PRELID2: variants seen among roughly 807,000 people sequenced by gnomAD.
PRELID2 encodes PRELI domain-containing protein 2.
A neutral mutation model predicts 28.4 loss-of-function variants in PRELID2; 25 were observed. The observed-to-expected ratio is 0.88, with a 90% CI of 0.64 to 1.23. PRELID2 has a LOEUF of 1.23. Among genes scored for constraint, PRELID2 ranks in the 50% most tolerant of loss-of-function variants. The pLI is 0.00. For missense variants in PRELID2, 201 were observed against 214.4 expected (o/e 0.94, Z 0.39); for synonymous variants, 76 against 71.6 (o/e 1.06, Z -0.31).
chr5:145,447,086 A>AAAT, the PRELID2 span, among the ~76,000 whole-genome samples: 2 of 69,496 alleles, frequency 2.9e-5, no homozygotes, highest in Admixed American at 1.4e-4. Flanking sequence ...AATAAATAAA[A>AAAT]ATTTAAAAAT....
chr5:145,392,873 T>C, the PRELID2 span, among the ~76,000 whole-genome samples: 8 of 152,324 alleles, frequency 5.3e-5, no homozygotes, highest in Admixed American at 2.0e-4. Flanking sequence ...ATGCAGCCAA[T>C]GGCATGAATC....
At chr5:145,248,263 C>T in the PRELID2 span, among the ~76,000 whole-genome samples, 51 of 151,942 alleles carry the variant, frequency 3.4e-4, no homozygotes, top group East Asian at 1.4e-3. Context: ...CTTGGTAAAA[C>T]GGAATAAAGA....
chr5:145,387,935 C>G, the PRELID2 span, among the ~76,000 whole-genome samples: 1 of 118,356 alleles, frequency 8.4e-6, no homozygotes, highest in Non-Finnish European at 1.8e-5. Context: ...CAAGACAGAA[C>G]CAAAAAAAAA....
At chr5:145,234,802 G>C in the PRELID2 span, among the ~76,000 whole-genome samples, 2 of 152,030 alleles carry the variant, frequency 1.3e-5, no homozygotes, top group African/African-American at 4.8e-5. Context: ...GAAGCGCATA[G>C]CTGGACACCT....
rs1757256998 is a variant in PRELID2 at position 145,756,423 on chromosome 5, C to T, written c.*4113G>A. ...ACAACTAATTTATAGCTCTATATCA[C>T]AATAACACTGAATCAGAAACACTTC... On this transcript the variant is annotated 3_prime_UTR_variant, in exon 7 of 7. Transcript: ENST00000683046. Among the ~76,000 whole-genome samples, 1 of 152,166 alleles carries T rather than the reference C, an allele frequency of 6.6e-6. No homozygotes were observed. The highest frequency in any genetic ancestry group is 1.5e-5 in the Non-Finnish European group (1 of 68,034).
intron 5 of PRELID2, among the ~76,000 whole-genome samples, chr5:145,789,913 A>G (rs1475419644): frequency 6.6e-6 from 1 of 152,218 alleles, no homozygotes; most frequent in Admixed American, 6.5e-5. Flanking sequence ...AGCACCAATC[A>G]TTAGAGAAAT....
In PRELID2 at chr5:145,833,273, C is replaced by G. The variant is rs531458650; in HGVS notation, c.75+1904G>C. Among the ~76,000 whole-genome samples, 5 of 152,334 alleles carry G rather than the reference C, an allele frequency of 3.3e-5. No individual in the cohort carries two copies. The South Asian group carries it at 1.0e-3, about 32-fold the overall frequency. ...ACACAACACATACAGAAGTCACCATCTGACACTGCAGACGGTCAGCAACGC... is the reference window on the plus strand; with the variant it reads ...ACACAACACATACAGAAGTCACCATGTGACACTGCAGACGGTCAGCAACGC... On this transcript the variant is annotated intron_variant, in intron 1 of 6. Transcript: ENST00000683046.
chr5:145,756,666 G>A lies in PRELID2; in HGVS notation c.*3870C>T, dbSNP rs939004489. Reference sequence around the variant, plus strand: ...AAGTAAGTTAGGGGAAGAGAGTTGAGCCACTGAAATAATGTCACCAAGTCA... The same window carrying A: ...AAGTAAGTTAGGGGAAGAGAGTTGAACCACTGAAATAATGTCACCAAGTCA... On this transcript the variant is annotated 3_prime_UTR_variant, in exon 7 of 7. Coordinates refer to ENST00000683046, the MANE Select transcript of PRELID2 (RefSeq NM_205846.3). Among the ~76,000 whole-genome samples the A allele has an allele frequency of 2.0e-5, 3 of 152,198 alleles. No homozygotes were observed. The highest frequency in any genetic ancestry group is 2.9e-5 in the Non-Finnish European group (2 of 68,036).
intron 5 of PRELID2, among the ~76,000 whole-genome samples, chr5:145,782,433 T>C (rs1326299611): frequency 6.6e-6 from 1 of 152,206 alleles, no homozygotes; most frequent in African/African-American, 2.4e-5. Context: ...ACAGTCTCTG[T>C]TCCAGAAGGT....
chr5:145,396,463 G>T, the PRELID2 span, among the ~76,000 whole-genome samples: 11 of 143,606 alleles, frequency 7.7e-5, no homozygotes, highest in East Asian at 2.3e-3. Flanking sequence ...ATGTAAGAAT[G>T]ACATTTACAT....
intron 1 of PRELID2, among the ~76,000 whole-genome samples, chr5:145,561,463 G>T (rs1304909182): frequency 6.6e-6 from 1 of 152,098 alleles, no homozygotes; most frequent in African/African-American, 2.4e-5. Flanking sequence ...AAAATGGAAG[G>T]AAATCCTGCT....
At chr5:145,554,092 A>T (rs900041135) in intron 1 of PRELID2, among the ~76,000 whole-genome samples, 2 of 152,206 alleles carry the variant, frequency 1.3e-5, no homozygotes, top group African/African-American at 4.8e-5. Context: ...CAAATGAAAA[A>T]TTCTAGAAGC....
intron 5 of PRELID2, among the ~76,000 whole-genome samples, chr5:145,794,797 TAA>T (rs1202899717): frequency 6.6e-6 from 1 of 152,110 alleles, no homozygotes; most frequent in African/African-American, 2.4e-5. Flanking sequence ...ACTGTGCAAT[TAA>T]AAGTCATTAT....
At chr5:145,473,185 T>A (rs1752068850) in intron 2 of PRELID2, 1 of 152,158 alleles carries the variant, frequency 6.6e-6, no homozygotes, top group Non-Finnish European at 1.5e-5. Flanking sequence ...CAAAGAATGC[T>A]TTGCAACAAC....
chr5:145,797,745 C>G (rs1042157629), intron 4 of PRELID2, among the ~76,000 whole-genome samples: 2 of 152,016 alleles, frequency 1.3e-5, no homozygotes, highest in African/African-American at 4.8e-5. Flanking sequence ...TGTATGAAGC[C>G]AGTCCATAAG....
chr5:145,458,465 G>A, the PRELID2 span, among the ~76,000 whole-genome samples: 1 of 152,108 alleles, frequency 6.6e-6, no homozygotes, highest in Non-Finnish European at 1.5e-5. Context: ...ATAATACTTA[G>A]TAGTGGTTTT....
chr5:145,502,189 A>G (rs2126634759), intron 1 of PRELID2, among the ~76,000 whole-genome samples: 1 of 152,222 alleles, frequency 6.6e-6, no homozygotes, highest in South Asian at 2.1e-4. Context: ...AGTCACAGTG[A>G]AAGACAAAGG....
the PRELID2 span, among the ~76,000 whole-genome samples, chr5:145,391,865 T>A: frequency 6.6e-6 from 1 of 152,276 alleles, no homozygotes; most frequent in African/African-American, 2.4e-5. Flanking sequence ...GTCTCTTTGC[T>A]AAAACATAGC....
chr5:145,246,085 C>A, the PRELID2 span, among the ~76,000 whole-genome samples: 1 of 151,900 alleles, frequency 6.6e-6, no homozygotes, highest in Admixed American at 6.6e-5. Flanking sequence ...TTAGAATACA[C>A]AAAATCGAAG....
Sources: allele counts gnomAD v4.1 joint callset (sites outside exome capture counted in the v4.1 genomes callset), GRCh38; gene constraint gnomAD v4.1.1; transcripts MANE v1.5; gene names NCBI Gene and HGNC (gene_info 2026-07-23, HGNC 2026-07-21).